The following RBKS variants were observed in gnomAD, a reference collection of about 807,000 sequenced individuals.
The protein encoded by RBKS is ribokinase.
Under a neutral mutation model 33.9 loss-of-function variants are expected in RBKS, and 33 were observed. The observed-to-expected ratio is 0.97, with a 90% CI of 0.74 to 1.30. The LOEUF (loss-of-function observed/expected upper bound fraction) is 1.30, where lower values mean the gene tolerates loss of function less well. Among genes scored for constraint, RBKS ranks in the 50% most tolerant of loss-of-function variants. RBKS has a pLI of 0.00. For missense variants in RBKS, 361 were observed against 392.6 expected, an observed-to-expected ratio of 0.92 and a Z score of 0.68; for synonymous variants, 125 against 143.0, an observed-to-expected ratio of 0.87 and a Z score of 0.90.
intron 3 of RBKS, 85 bp from the exon 4 acceptor site, chr2:27,847,189 C>A: frequency 1.3e-6 from 1 of 772,216 alleles, no homozygotes; most frequent in Non-Finnish European, 2.2e-6. Flanking sequence ...AACACTAATC[C>A]TTGGAAAACC....
intron 1 of RBKS, among the ~76,000 whole-genome samples, chr2:27,873,937 A>G (rs1233001117): frequency 3.3e-5 from 5 of 152,216 alleles, no homozygotes; most frequent in Non-Finnish European, 7.3e-5. Flanking sequence ...AAACAGAGAT[A>G]ATTTATAGCA....
chr2:27,813,945 T>G (rs1678040092), intron 7 of RBKS, among the ~76,000 whole-genome samples: 1 of 152,122 alleles, frequency 6.6e-6, no homozygotes, highest in Non-Finnish European at 1.5e-5. Context: ...TCTGGTTCAG[T>G]GTGGTGGCTC....
intron 1 of RBKS, among the ~76,000 whole-genome samples, chr2:27,877,298 C>T (rs957366585): frequency 6.6e-6 from 1 of 151,186 alleles, no homozygotes; most frequent in African/African-American, 2.4e-5. Context: ...TTTTTTTTTC[C>T]CCTAAGAATG....
chr2:27,796,468 AT>A (rs1296438140), intron 7 of RBKS, among the ~76,000 whole-genome samples: 2 of 152,170 alleles, frequency 1.3e-5, no homozygotes, highest in African/African-American at 4.8e-5. Context: ...TCTCACAGTG[AT>A]TTCCTCTTAA....
intron 2 of RBKS, among the ~76,000 whole-genome samples, chr2:27,854,343 G>A (rs1663808802): frequency 6.6e-6 from 1 of 152,182 alleles, no homozygotes; most frequent in Non-Finnish European, 1.5e-5. Flanking sequence ...CTGAGGACTG[G>A]ACTTTGAACA....
At chr2:27,824,944 T>C (rs1404499670) in intron 7 of RBKS, among the ~76,000 whole-genome samples, 3 of 152,098 alleles carry the variant, frequency 2.0e-5, no homozygotes, top group African/African-American at 7.2e-5. Context: ...TGAGACCATC[T>C]TGGGCAACAT....
chr2:27,852,820 T>G (rs1216241992), intron 2 of RBKS, among the ~76,000 whole-genome samples: 1 of 152,228 alleles, frequency 6.6e-6, no homozygotes, highest in African/African-American at 2.4e-5. Context: ...GAATATAATT[T>G]AATCCTTGCA....
intron 1 of RBKS, among the ~76,000 whole-genome samples, chr2:27,881,059 CAACCAACA>C (rs933835867): frequency 2.8e-4 from 42 of 147,378 alleles, no homozygotes; most frequent in African/African-American, 7.5e-4. Context: ...GCAAACCAAC[CAACCAACA>C]AACAAACAAA....
intron 1 of RBKS, chr2:27,870,884 C>T (rs1664196034): frequency 2.2e-6 from 1 of 458,482 alleles, no homozygotes; most frequent in South Asian, 1.5e-5. Flanking sequence ...TCCTCATGCA[C>T]ATCCTCCTGA....
intron 1 of RBKS, among the ~76,000 whole-genome samples, chr2:27,885,263 C>G (rs1425869311): frequency 6.6e-6 from 1 of 152,204 alleles, no homozygotes; most frequent in African/African-American, 2.4e-5. Flanking sequence ...ACCATCATTT[C>G]TTGCCTAGAT....
At chr2:27,856,525 C>G (rs1186485599) in intron 2 of RBKS, among the ~76,000 whole-genome samples, 1 of 152,114 alleles carries the variant, frequency 6.6e-6, no homozygotes, top group African/African-American at 2.4e-5. Flanking sequence ...TCTTTCTTTG[C>G]CTCAAATTCA....
chr2:27,816,863 C>A (rs1364811128), intron 7 of RBKS, among the ~76,000 whole-genome samples: 2 of 152,198 alleles, frequency 1.3e-5, no homozygotes, highest in Non-Finnish European at 2.9e-5. Flanking sequence ...TCCCAAAGTG[C>A]TGGGATAACA....
intron 7 of RBKS, among the ~76,000 whole-genome samples, chr2:27,815,559 T>C (rs1678073879): frequency 6.6e-6 from 1 of 152,292 alleles, no homozygotes; most frequent in East Asian, 1.9e-4. Flanking sequence ...TGTCACTCAA[T>C]GGAAACCACT....
intron 1 of RBKS, among the ~76,000 whole-genome samples, chr2:27,873,656 G>C (rs1015729939): frequency 5.9e-5 from 9 of 152,090 alleles, no homozygotes; most frequent in African/African-American, 2.2e-4. Context: ...TGTATGAATT[G>C]TAATTTTTTA....
chr2:27,809,896 A>G, intron 7 of RBKS: 1 of 1,293,336 alleles, frequency 7.7e-7, no homozygotes, highest in Non-Finnish European at 1.0e-6. Context: ...GTCATTGCAC[A>G]ATGTTGTATT....
At chr2:27,824,166 A>G (rs1304265278) in intron 7 of RBKS, among the ~76,000 whole-genome samples, 3 of 152,292 alleles carry the variant, frequency 2.0e-5, no homozygotes, top group East Asian at 3.9e-4. Context: ...TCTTTTACTT[A>G]GTAGTATGTT....
intron 7 of RBKS, among the ~76,000 whole-genome samples, chr2:27,817,379 C>T (rs1367932873): frequency 1.3e-5 from 2 of 152,152 alleles, no homozygotes; most frequent in Non-Finnish European, 2.9e-5. Context: ...GAGTGGTGCA[C>T]CTCTCCTCCA....
chr2:27,827,516 T>C (rs1186561836), intron 7 of RBKS, 51 bp downstream of exon 7: 1 of 1,457,538 alleles, frequency 6.9e-7, no homozygotes, highest in Non-Finnish European at 9.1e-7. Context: ...AATTAGTTAC[T>C]AAGTAACAAT....
At chr2:27,820,909 G>A (rs190787611) in intron 7 of RBKS, among the ~76,000 whole-genome samples, 11 of 151,742 alleles carry the variant, frequency 7.2e-5, no homozygotes, top group Middle Eastern at 3.4e-3. Context: ...GAGTGGTGGC[G>A]CATGCCTGTA....
Sources: allele counts gnomAD v4.1 joint callset (sites outside exome capture counted in the v4.1 genomes callset), GRCh38; gene constraint gnomAD v4.1.1; transcripts MANE v1.5; gene names NCBI Gene and HGNC (gene_info 2026-07-23, HGNC 2026-07-21).